Variants in ARHGEF12 observed in about 807,000 individuals in gnomAD.
ARHGEF12 encodes Rho guanine nucleotide exchange factor 12.
ARHGEF12 carries 66 observed loss-of-function variants against 211.2 expected under a neutral mutation model. The observed-to-expected ratio is 0.31, with a 90% CI of 0.26 to 0.38. ARHGEF12 has a LOEUF of 0.38. Ranked by LOEUF, ARHGEF12 falls within the 10% of genes least tolerant of loss-of-function variation. The probability of loss-of-function intolerance (pLI) is 1.00; values close to 1 mark genes in which losing one functional copy is unlikely to be tolerated. For synonymous variants in ARHGEF12, 592 were observed against 638.4 expected, an observed-to-expected ratio of 0.93 and a Z score of 1.09; for missense variants, 1,429 against 1,869.5, an observed-to-expected ratio of 0.76 and a Z score of 4.34.
chr11:120,442,017 C>A, intron 14 of ARHGEF12, 87 bp from the exon 15 acceptor site: 4 of 978,590 alleles, frequency 4.1e-6, no homozygotes, highest in East Asian at 5.1e-5. Context: ...CCTACCTGTT[C>A]CAGACATTCC....
At chr11:120,430,485 G>A (rs1945492139) in intron 10 of ARHGEF12, among the ~76,000 whole-genome samples, 2 of 151,942 alleles carry the variant, frequency 1.3e-5, no homozygotes, top group African/African-American at 4.8e-5. Flanking sequence ...ATAGTTATAA[G>A]CTATAGAGAT....
At chr11:120,481,889 A>G (rs1453330449) in intron 39 of ARHGEF12, among the ~76,000 whole-genome samples, 1 of 151,476 alleles carries the variant, frequency 6.6e-6, no homozygotes, top group African/African-American at 2.4e-5. Flanking sequence ...CCTCCCAAGC[A>G]GCTGGGACTA....
intron 4 of ARHGEF12, among the ~76,000 whole-genome samples, chr11:120,417,592 GCA>G (rs1439940529): frequency 6.9e-6 from 1 of 145,332 alleles, no homozygotes; most frequent in African/African-American, 2.6e-5. Flanking sequence ...TCGGCTCACT[GCA>G]ACCTCCAGCT....
At chr11:120,444,139 C>A (rs1445105914) in intron 15 of ARHGEF12, among the ~76,000 whole-genome samples, 1 of 152,114 alleles carries the variant, frequency 6.6e-6, no homozygotes, top group Non-Finnish European at 1.5e-5. Context: ...ATAGCGGGGT[C>A]ACTTAAGTAT....
chr11:120,428,033 C>G, intron 7 of ARHGEF12, 36 bp from the exon 8 acceptor site: 1 of 1,476,118 alleles, frequency 6.8e-7, no homozygotes, highest in Non-Finnish European at 9.0e-7. Flanking sequence ...ATGTTATTTT[C>G]CCTTCCCTTC....
intron 7 of ARHGEF12, among the ~76,000 whole-genome samples, chr11:120,425,551 C>A (rs1271710678): frequency 6.6e-6 from 1 of 151,486 alleles, no homozygotes; most frequent in African/African-American, 2.4e-5. Flanking sequence ...CCCATCTCAG[C>A]CTCCTAAAGC....
intron 1 of ARHGEF12, among the ~76,000 whole-genome samples, chr11:120,405,206 C>T (rs1400917545): frequency 6.6e-6 from 1 of 151,626 alleles, no homozygotes; most frequent in African/African-American, 2.4e-5. Context: ...TTTTTAAAAC[C>T]CTAGTTTTAC....
At chr11:120,472,606 A>G (rs901875058) in intron 30 of ARHGEF12, among the ~76,000 whole-genome samples, 2 of 152,290 alleles carry the variant, frequency 1.3e-5, no homozygotes, top group Non-Finnish European at 2.9e-5. Flanking sequence ...AGCCACGGGA[A>G]GAGAGTGAGT....
intron 1 of ARHGEF12, among the ~76,000 whole-genome samples, chr11:120,368,967 A>T (rs1943511084): frequency 6.6e-6 from 1 of 151,936 alleles, no homozygotes; most frequent in East Asian, 1.9e-4. Context: ...CCTGTAAATT[A>T]TTTTTGTTTG....
intron 1 of ARHGEF12, among the ~76,000 whole-genome samples, chr11:120,378,717 C>T (rs1943797712): frequency 6.6e-6 from 1 of 152,166 alleles, no homozygotes; most frequent in Non-Finnish European, 1.5e-5. Context: ...GCACCATTTG[C>T]AGAAAAGACT....
intron 1 of ARHGEF12, among the ~76,000 whole-genome samples, chr11:120,351,461 T>A (rs1444916246): frequency 3.9e-3 from 51 of 13,114 alleles, no homozygotes; most frequent in Non-Finnish European, 6.2e-3. Context: ...ATATATTTTT[T>A]TTTTTTTTTT....
At position 120,461,060 on chromosome 11, in the gene ARHGEF12, C is replaced by T. The variant is rs190336194; in HGVS notation, c.2613+303C>T. On this transcript the variant is annotated intron_variant, in intron 27 of 40. Coordinates refer to ENST00000397843, the MANE Select transcript of ARHGEF12 (RefSeq NM_015313.3). ...TCTTCCACTGAAGTCTTGAACCCCT[C>T]GAAGTCACCTATGAGGGTTGGAATC... Among the ~76,000 whole-genome samples the T allele has an allele frequency of 2.6e-3, 397 of 152,284 alleles. 2 individuals carry two copies. Among genetic ancestry groups the T allele is most frequent in the African/African-American group, 7.8e-3 (324 of 41,562 alleles).
At chr11:120,347,183 C>CCTTTCTTTCTTTCTTT (rs58396345) in intron 1 of ARHGEF12, among the ~76,000 whole-genome samples, 2,391 of 100,170 alleles carry the variant, frequency 0.024, 132 homozygotes, top group East Asian at 0.054. Context: ...TTCCTTCCTT[C>CCTTTCTTTCTTTCTTT]CTTTCTTTCT....
intron 1 of ARHGEF12, among the ~76,000 whole-genome samples, chr11:120,402,551 G>T (rs567386442): frequency 1.2e-4 from 18 of 152,224 alleles, no homozygotes; most frequent in Admixed American, 2.0e-4. Flanking sequence ...ACTATCCAAT[G>T]TAAGAAAAAT....
intron 1 of ARHGEF12, among the ~76,000 whole-genome samples, chr11:120,384,611 T>C (rs893599955): frequency 1.3e-5 from 2 of 152,222 alleles, no homozygotes; most frequent in Non-Finnish European, 2.9e-5. Flanking sequence ...CTCATTCTAC[T>C]GTAAGAGGCC....
chr11:120,354,006 C>T (rs193022748), intron 1 of ARHGEF12, among the ~76,000 whole-genome samples: 31 of 152,180 alleles, frequency 2.0e-4, no homozygotes, highest in African/African-American at 6.5e-4. Flanking sequence ...CCATGGGGTC[C>T]CAGAGGAGGA....
At chr11:120,356,602 C>T (rs1391155743) in intron 1 of ARHGEF12, among the ~76,000 whole-genome samples, 5 of 152,280 alleles carry the variant, frequency 3.3e-5, no homozygotes, top group African/African-American at 9.6e-5. Context: ...CATCTAGGTC[C>T]TCTGCTCTCC....
chr11:120,442,455 C>CACAT (rs1491261922), intron 15 of ARHGEF12, among the ~76,000 whole-genome samples: 41 of 129,928 alleles, frequency 3.2e-4, no homozygotes, highest in African/African-American at 1.1e-3. Flanking sequence ...CACACACACA[C>CACAT]ATATATATAC....
At chr11:120,378,738 C>T (rs962796771) in intron 1 of ARHGEF12, among the ~76,000 whole-genome samples, 8 of 152,182 alleles carry the variant, frequency 5.3e-5, no homozygotes, top group Admixed American at 3.9e-4. Context: ...GTCCTTTTCC[C>T]GTTGAACTGC....
Sources: allele counts gnomAD v4.1 joint callset (sites outside exome capture counted in the v4.1 genomes callset), GRCh38; gene constraint gnomAD v4.1.1; transcripts MANE v1.5; gene names NCBI Gene and HGNC (gene_info 2026-07-23, HGNC 2026-07-21).